The following GLI2 variants were observed in gnomAD, a reference collection of about 807,000 sequenced individuals.
GLI2 encodes transcription activator GLI2.
Under a neutral mutation model 78.9 loss-of-function variants are expected in GLI2, and 22 were observed. The ratio of observed to expected loss-of-function variants is 0.28; its 90% CI spans 0.20 to 0.40. GLI2 has a LOEUF of 0.40. Ranked by LOEUF, GLI2 falls within the 10% of genes least tolerant of loss-of-function variation. The pLI is 1.00. For missense variants in GLI2, 2,097 were observed against 2,213.2 expected, an observed-to-expected ratio of 0.95 and a Z score of 1.05; for synonymous variants, 974 against 963.7, an observed-to-expected ratio of 1.01 and a Z score of -0.20.
At chr2:120,939,657 C>T (rs6541751) in intron 3 of GLI2, among the ~76,000 whole-genome samples, 128,581 of 152,218 alleles carry the variant, frequency 0.84, 58,026 homozygotes, top group East Asian at 1. Context: ...TGGGCTGCTC[C>T]GAAGCAGTCT....
At chr2:120,911,015 C>A (rs1678788998) in intron 2 of GLI2, among the ~76,000 whole-genome samples, 2 of 152,202 alleles carry the variant, frequency 1.3e-5, no homozygotes, top group Admixed American at 6.5e-5. Context: ...CACCTGTGAC[C>A]CTTATTACAC....
At chr2:120,933,672 G>A (rs1680050950) in intron 3 of GLI2, among the ~76,000 whole-genome samples, 1 of 152,218 alleles carries the variant, frequency 6.6e-6, no homozygotes, top group South Asian at 2.1e-4. Context: ...GGGTCCCTAA[G>A]TTGGTGCTCC....
rs537246688 is a variant in GLI2 at position 120,883,512 on chromosome 2, C to A, written c.149-43849C>A. ...AAAACAAACAAATAAACAAACAAAC[C>A]CACGATAACCTTGAAGAAGACAGCC... On this transcript the variant is annotated intron_variant, in intron 2 of 13. Transcript: ENST00000361492. 1.3e-3 allele frequency among the ~76,000 whole-genome samples: 199 copies of A among 152,194 alleles called. 2 individuals are homozygous for A. The highest frequency in any genetic ancestry group is 3.6e-3 in the Admixed American group (55 of 15,282).
At chr2:120,876,166 C>G (rs1384471394) in intron 2 of GLI2, among the ~76,000 whole-genome samples, 1 of 152,054 alleles carries the variant, frequency 6.6e-6, no homozygotes, top group Non-Finnish European at 1.5e-5. Context: ...GCGGTGAAAC[C>G]CCGTCTCTAC....
At chr2:120,843,129 G>A (rs902253202) in intron 2 of GLI2, among the ~76,000 whole-genome samples, 1 of 152,170 alleles carries the variant, frequency 6.6e-6, no homozygotes, top group Admixed American at 6.5e-5. Flanking sequence ...TTCAATAAAG[G>A]CCTCATTTTC....
chr2:120,759,257 A>G (rs1441151421), intron 1 of GLI2, among the ~76,000 whole-genome samples: 1 of 152,136 alleles, frequency 6.6e-6, no homozygotes, highest in East Asian at 1.9e-4. Flanking sequence ...GTGTCCTCCA[A>G]TTCAATTCAG....
At chr2:120,962,187 G>T (rs572921208) in intron 5 of GLI2, among the ~76,000 whole-genome samples, 11 of 152,312 alleles carry the variant, frequency 7.2e-5, no homozygotes, top group Non-Finnish European at 1.5e-4. Flanking sequence ...GTGCAAGCAG[G>T]GTTGGAACCT....
intron 5 of GLI2, among the ~76,000 whole-genome samples, chr2:120,968,249 T>A (rs1272262929): frequency 6.6e-6 from 1 of 152,220 alleles, no homozygotes; most frequent in African/African-American, 2.4e-5. Context: ...GGATAGCAGC[T>A]GCCCTTGGGC....
chr2:120,877,801 T>A (rs756292073), intron 2 of GLI2, among the ~76,000 whole-genome samples: 4 of 152,192 alleles, frequency 2.6e-5, no homozygotes, highest in Non-Finnish European at 5.9e-5. Context: ...TTGTTTCCAA[T>A]TTGGGGCTAT....
intron 2 of GLI2, among the ~76,000 whole-genome samples, chr2:120,903,651 T>C (rs1373915222): frequency 1.3e-5 from 2 of 152,204 alleles, no homozygotes; most frequent in Non-Finnish European, 2.9e-5. Context: ...CCTGCCTTCA[T>C]TTCCAGAGCG....
chr2:120,919,715 T>C (rs1423901057), intron 2 of GLI2, among the ~76,000 whole-genome samples: 2 of 152,240 alleles, frequency 1.3e-5, no homozygotes, highest in Non-Finnish European at 2.9e-5. Context: ...ATCACCGGGC[T>C]TCCCCATCCT....
At chr2:120,750,159 C>T (rs1039232214) in intron 1 of GLI2, among the ~76,000 whole-genome samples, 1 of 152,238 alleles carries the variant, frequency 6.6e-6, no homozygotes, top group African/African-American at 2.4e-5. Context: ...CTGTCGTGAG[C>T]CTCAGCCCCT....
intron 2 of GLI2, among the ~76,000 whole-genome samples, chr2:120,900,980 A>G (rs277545): frequency 0.061 from 9,310 of 152,148 alleles, 431 homozygotes; most frequent in African/African-American, 0.13. Flanking sequence ...GCAGGTGTAA[A>G]TCTTCACTTT....
intron 2 of GLI2, among the ~76,000 whole-genome samples, chr2:120,887,658 C>T (rs1392325497): frequency 6.6e-6 from 1 of 152,216 alleles, no homozygotes; most frequent in Admixed American, 6.5e-5. Context: ...CGCCCTTCTC[C>T]CACAGAGGCC....
chr2:120,892,143 G>A (rs754098219), intron 2 of GLI2, among the ~76,000 whole-genome samples: 6 of 152,278 alleles, frequency 3.9e-5, no homozygotes, highest in Admixed American at 6.5e-5. Flanking sequence ...TCTCTCCCCC[G>A]TCAGCCAGGG....
intron 2 of GLI2, among the ~76,000 whole-genome samples, chr2:120,813,111 A>G (rs945995784): frequency 2.0e-5 from 3 of 152,232 alleles, no homozygotes; most frequent in Admixed American, 1.3e-4. Context: ...GCTCCTGGCC[A>G]GCGCCTGAGC....
chr2:120,736,279 T>C lies in GLI2; in HGVS notation c.-37T>C, dbSNP rs766204408. ...TGCGTGCTAGAGGCAAACTTTTGTC[T>C]CTCTCGGTAAAGTTGCATTGGCCTT... On this transcript the variant is annotated 5_prime_UTR_variant, in exon 1 of 14. Transcript: ENST00000361492. 3 of 151,806 alleles carry C rather than the reference T, an allele frequency of 2.0e-5. No individual in the cohort carries two copies. The highest frequency in any genetic ancestry group is 4.4e-5 in the Non-Finnish European group (3 of 67,968). The allele number at this position is 151,806 out of a possible 1,614,324, so 9.4% of individuals were successfully genotyped here.
chr2:120,778,377 G>A (rs562409285), intron 1 of GLI2, among the ~76,000 whole-genome samples: 6 of 152,198 alleles, frequency 3.9e-5, no homozygotes, highest in South Asian at 2.1e-4. Flanking sequence ...TGCTCCCATC[G>A]TCGCTCCTGA....
At chr2:120,931,522 G>A (rs1191911157) in intron 3 of GLI2, among the ~76,000 whole-genome samples, 2 of 152,220 alleles carry the variant, frequency 1.3e-5, no homozygotes, top group Admixed American at 6.5e-5. Context: ...GATGTTCTTG[G>A]GGGCTGTTAT....
Sources: allele counts gnomAD v4.1 joint callset (sites outside exome capture counted in the v4.1 genomes callset), GRCh38; gene constraint gnomAD v4.1.1; transcripts MANE v1.5; gene names NCBI Gene and HGNC (gene_info 2026-07-23, HGNC 2026-07-21).